MAF: variants seen among roughly 807,000 people sequenced by gnomAD.
MAF encodes transcription factor Maf.
Under a neutral mutation model 22.0 loss-of-function variants are expected in MAF, and 10 were observed. That is an observed-to-expected ratio of 0.45 (90% CI 0.28 to 0.77). The LOEUF (loss-of-function observed/expected upper bound fraction) is 0.77. MAF is among the 30% of genes least tolerant of loss of function. The probability of loss-of-function intolerance (pLI) is 0.12; values close to 1 mark genes in which losing one functional copy is unlikely to be tolerated. For synonymous variants in MAF, 337 were observed against 255.8 expected (o/e 1.32, Z -3.03); for missense variants, 544 against 548.4 (o/e 0.99, Z 0.08).
chr16:79,246,008 G>A, the MAF span, among the ~76,000 whole-genome samples: 1 of 151,996 alleles, frequency 6.6e-6, no homozygotes, highest in Non-Finnish European at 1.5e-5. Flanking sequence ...GTTGAACAAT[G>A]AGAACACATG....
At chr16:79,276,738 C>T in the MAF span, among the ~76,000 whole-genome samples, 54 of 152,272 alleles carry the variant, frequency 3.5e-4, no homozygotes, top group Non-Finnish European at 7.1e-4. Context: ...GATAAAGCTT[C>T]CCTGTTCATT....
the MAF span, among the ~76,000 whole-genome samples, chr16:79,308,006 T>A: frequency 6.6e-6 from 1 of 152,238 alleles, no homozygotes; most frequent in East Asian, 1.9e-4. Context: ...AATTCATTCA[T>A]CTGCCATGAG....
the MAF span, among the ~76,000 whole-genome samples, chr16:79,262,884 G>T: frequency 6.6e-6 from 1 of 152,070 alleles, no homozygotes; most frequent in Non-Finnish European, 1.5e-5. Flanking sequence ...GCATTTTTTT[G>T]AAGAACTTAG....
the MAF span, among the ~76,000 whole-genome samples, chr16:79,235,480 C>A: frequency 1.1e-4 from 17 of 152,004 alleles, 1 homozygote; most frequent in Middle Eastern, 3.4e-3. Flanking sequence ...GTGGGGAGAT[C>A]GCTTGAGCCC....
chr16:79,228,878 A>C, the MAF span, among the ~76,000 whole-genome samples: 1 of 152,052 alleles, frequency 6.6e-6, no homozygotes, highest in Non-Finnish European at 1.5e-5. Flanking sequence ...CATAGACTAC[A>C]GTGAGAATGG....
chr16:79,337,563 G>A, the MAF span, among the ~76,000 whole-genome samples: 14 of 25,830 alleles, frequency 5.4e-4, no homozygotes, highest in South Asian at 1.6e-3. Flanking sequence ...GCGAGATTCC[G>A]TCTCAAAAAC....
At chr16:79,287,139 T>C in the MAF span, among the ~76,000 whole-genome samples, 1 of 151,374 alleles carries the variant, frequency 6.6e-6, no homozygotes, top group East Asian at 1.9e-4. Context: ...TTTTTTTTCC[T>C]TCAGCAACAA....
the MAF span, among the ~76,000 whole-genome samples, chr16:79,546,264 G>C: frequency 6.7e-6 from 1 of 149,774 alleles, no homozygotes; most frequent in Non-Finnish European, 1.5e-5. Context: ...ACTATTGATT[G>C]GTAACCCAAA....
At chr16:79,331,677 G>C in the MAF span, among the ~76,000 whole-genome samples, 1 of 152,108 alleles carries the variant, frequency 6.6e-6, no homozygotes, top group Admixed American at 6.6e-5. Flanking sequence ...GCACAGCATG[G>C]GTCTCCAGCT....
the MAF span, among the ~76,000 whole-genome samples, chr16:79,462,336 T>G: frequency 6.6e-6 from 1 of 152,152 alleles, no homozygotes; most frequent in Non-Finnish European, 1.5e-5. Flanking sequence ...GTAACCTACT[T>G]AAGTCCACCA....
the MAF span, among the ~76,000 whole-genome samples, chr16:79,490,099 G>A: frequency 6.6e-6 from 1 of 152,152 alleles, no homozygotes; most frequent in East Asian, 1.9e-4. Flanking sequence ...TGGTCCAGGA[G>A]GCAGTTATAT....
the MAF span, among the ~76,000 whole-genome samples, chr16:79,382,811 G>C: frequency 2.0e-5 from 3 of 152,222 alleles, no homozygotes; most frequent in Admixed American, 2.0e-4. Context: ...TTTGGAGCAA[G>C]GCAGAGAGCA....
the MAF span, among the ~76,000 whole-genome samples, chr16:79,395,523 G>A: frequency 9.3e-4 from 141 of 152,234 alleles, 3 homozygotes; most frequent in African/African-American, 3.2e-3. Context: ...AGGAGACTGT[G>A]GAAGACACAG....
chr16:79,288,958 A>G, the MAF span, among the ~76,000 whole-genome samples: 4 of 152,114 alleles, frequency 2.6e-5, no homozygotes, highest in Admixed American at 1.3e-4. Flanking sequence ...TTAAACTCCT[A>G]ACCTCAGGTG....
the MAF span, among the ~76,000 whole-genome samples, chr16:79,227,125 T>A: frequency 1.3e-5 from 2 of 152,116 alleles, no homozygotes; most frequent in African/African-American, 4.8e-5. Context: ...ATCCTTTCAG[T>A]CCAGGAGTTT....
chr16:79,380,330 A>G, the MAF span, among the ~76,000 whole-genome samples: 2 of 152,318 alleles, frequency 1.3e-5, no homozygotes, highest in Admixed American at 1.3e-4. Flanking sequence ...GCAGTTGTGA[A>G]TATTTAGGGG....
the MAF span, among the ~76,000 whole-genome samples, chr16:79,545,384 T>A: frequency 6.6e-6 from 1 of 152,056 alleles, no homozygotes; most frequent in Non-Finnish European, 1.5e-5. Flanking sequence ...GGTTCCTTGT[T>A]CAAAAAGTAT....
chr16:79,502,863 C>G, the MAF span, among the ~76,000 whole-genome samples: 1 of 150,076 alleles, frequency 6.7e-6, no homozygotes, highest in African/African-American at 2.5e-5. Context: ...TCTTTACTCT[C>G]TTTAACGTGG....
rs550438083 is a variant in MAF at position 79,599,470 on chromosome 16, C to G, written c.433G>C (p.Gly145Arg). The stretch of plus-strand genomic sequence containing the variant: ...CTGCCGCCCAAGGAGGCGCCGGCAC[C>G]GGCCCCGGCCGCCGCGGCCAGCTGC... Reference protein sequence around the residue: ...AQQLAAAAGAGAGASLGGSGE... With the variant: ...AQQLAAAAGARAGASLGGSGE... The change falls in exon 1 of 2, where the codon GGT becomes CGT. Residue 145 changes from glycine (G) to arginine (R), a missense_variant. Physicochemically the swap from Gly to Arg is moderately radical, Grantham distance 125 (BLOSUM62 -2). This residue lies in a region of MAF where 342 missense variants were observed against 315.5 expected (regional missense o/e 1.08). Coordinates refer to ENST00000326043, the MANE Select transcript of MAF (RefSeq NM_005360.5). The G allele has an allele frequency of 2.2e-6, 3 of 1,364,510 alleles. No individual in the cohort carries two copies. The Admixed American group carries it at 1.2e-4, about 53-fold the overall frequency. 84.5% of individuals were successfully genotyped at this position (1,364,510 alleles called of 1,614,324 possible). A position where few individuals can be genotyped will look rare whatever the true frequency, so the allele number is the denominator to read the frequency against.
Sources: allele counts gnomAD v4.1 joint callset (sites outside exome capture counted in the v4.1 genomes callset), GRCh38; gene constraint gnomAD v4.1.1; regional missense constraint gnomAD v4.1.1; transcripts MANE v1.5; gene names NCBI Gene and HGNC (gene_info 2026-07-23, HGNC 2026-07-21).